The following CFAP20DC variants were observed in gnomAD, a reference collection of about 807,000 sequenced individuals.
CFAP20DC encodes the protein CFAP20 domain containing.
Under a neutral mutation model 101.7 loss-of-function variants are expected in CFAP20DC, and 84 were observed. The observed-to-expected ratio is 0.83, with a 90% CI of 0.69 to 0.99. The LOEUF (loss-of-function observed/expected upper bound fraction) is 0.99. Among genes scored for constraint, CFAP20DC ranks in the 50% least tolerant of loss-of-function variants. The pLI, the probability that CFAP20DC is intolerant of heterozygous loss-of-function variation, is 0.00. For missense variants in CFAP20DC, 1,007 were observed against 970.3 expected (o/e 1.04, Z -0.50); for synonymous variants, 359 against 351.2 (o/e 1.02, Z -0.25).
chr3:58,904,980 T>C (rs756458659), intron 6 of CFAP20DC, among the ~76,000 whole-genome samples: 1 of 152,218 alleles, frequency 6.6e-6, no homozygotes, highest in Non-Finnish European at 1.5e-5. Flanking sequence ...CAAACACTTA[T>C]GATAAGTTAC....
chr3:58,744,608 C>A (rs2068068758), intron 16 of CFAP20DC, among the ~76,000 whole-genome samples: 1 of 152,026 alleles, frequency 6.6e-6, no homozygotes, highest in South Asian at 2.1e-4. Flanking sequence ...AGGAAATGGG[C>A]TTGTTAACTC....
intron 8 of CFAP20DC, 54 bp downstream of exon 8, chr3:58,870,119 C>T: frequency 8.9e-7 from 1 of 1,117,498 alleles, no homozygotes; most frequent in South Asian, 1.2e-5. Context: ...GGAAGACACT[C>T]TTCCCTTACC....
At chr3:58,870,894 C>CAAAAAAAAAAAAA (rs548763648) in intron 7 of CFAP20DC, among the ~76,000 whole-genome samples, 4 of 18,950 alleles carry the variant, frequency 2.1e-4, no homozygotes, top group African/African-American at 3.1e-4. Flanking sequence ...GACTCCGTCT[C>CAAAAAAAAAAAAA]AAAAAAAAAA....
chr3:58,726,641 T>C (rs2067556026), intron 3 of CFAP20DC: 2 of 191,968 alleles, frequency 1.0e-5, no homozygotes, highest in South Asian at 7.0e-5. Context: ...GAATGACCTA[T>C]TACTTCCACT....
chr3:59,008,756 T>C (rs1294708681), intron 4 of CFAP20DC, among the ~76,000 whole-genome samples: 1 of 151,514 alleles, frequency 6.6e-6, no homozygotes, highest in Admixed American at 6.6e-5. Flanking sequence ...ATATACCTAA[T>C]GCTAAATGAC....
chr3:59,026,871 G>A (rs2093902684), intron 4 of CFAP20DC, among the ~76,000 whole-genome samples: 1 of 152,136 alleles, frequency 6.6e-6, no homozygotes, highest in Admixed American at 6.6e-5. Flanking sequence ...ATTGGCTTGA[G>A]GCTAAAGCTT....
At chr3:58,852,306 G>A (rs539550172) in intron 12 of CFAP20DC, among the ~76,000 whole-genome samples, 11 of 152,056 alleles carry the variant, frequency 7.2e-5, no homozygotes, top group Admixed American at 6.5e-4. Flanking sequence ...AAATATATAT[G>A]CAACCAATAC....
intron 13 of CFAP20DC, among the ~76,000 whole-genome samples, chr3:58,847,359 A>G (rs2077760320): frequency 6.6e-6 from 1 of 151,482 alleles, no homozygotes; most frequent in Non-Finnish European, 1.5e-5. Flanking sequence ...GGTGAAGGAC[A>G]TGAACAGACA....
At position 58,859,792 on chromosome 3, in the gene CFAP20DC, A is replaced by G. The variant is rs1284309622; in HGVS notation, c.1593+3766T>C. Among the ~76,000 whole-genome samples, 1 of 152,232 alleles carries G rather than the reference A, an allele frequency of 6.6e-6. No individual in the cohort carries two copies. Among genetic ancestry groups the G allele is most frequent in the African/African-American group, 2.4e-5 (1 of 41,454 alleles). On this transcript the variant is annotated intron_variant, in intron 12 of 16. Transcript: ENST00000482387. The surrounding 1 kb of genome is among the most constrained non-coding windows in gnomAD (Gnocchi z 4.1). ...CAACACATAAACTAAATTTAAAAGTATCTGAAGGCTACATAGAAATATAAG... is the reference window on the plus strand; with the variant it reads ...CAACACATAAACTAAATTTAAAAGTGTCTGAAGGCTACATAGAAATATAAG...
rs1352148608 is a variant in CFAP20DC at position 58,753,828 on chromosome 3, G to A, written c.2273C>T (p.Pro758Leu). ...WLNMLSPPIV[P>L]PSQQPAEQRP... ...CTGCTCAGCCGGCTGTTGACTGGGA[G>A]GAACGATTGGTGGGCTCAACATATT... The change falls in exon 16 of 17, where the codon CCT becomes CTT. Residue 758 changes from proline to leucine, a missense_variant. Physicochemically the swap from Pro to Leu is moderately conservative, Grantham distance 98 (BLOSUM62 -3). Coordinates refer to ENST00000482387, the MANE Select transcript of CFAP20DC (RefSeq NM_001394063.1). 6.2e-7 allele frequency: 1 copy of A among 1,612,644 alleles called. No homozygotes were observed. The highest frequency in any genetic ancestry group is 2.2e-5 in the East Asian group (1 of 44,854).
At chr3:58,761,522 G>T (rs1402217151) in intron 15 of CFAP20DC, among the ~76,000 whole-genome samples, 1 of 152,028 alleles carries the variant, frequency 6.6e-6, no homozygotes, top group African/African-American at 2.4e-5. Context: ...AGGGTTTTTT[G>T]TGTCTCTATT....
rs59732370 is a variant in CFAP20DC at position 59,049,589 on chromosome 3, T to A, written c.21+22A>T. The A allele has an allele frequency of 2.6e-6, 4 of 1,535,316 alleles. No homozygotes were observed. The South Asian group carries it at 3.6e-5, about 14-fold the overall frequency. On this transcript the variant is annotated intron_variant, in intron 1 of 16. Coordinates refer to ENST00000482387, the MANE Select transcript of CFAP20DC (RefSeq NM_001394063.1). ...CCAAGAGGAGAAAGGTATAGACAGG[T>A]TGGAGAACCGTTTCGGGTTACCTGG...
chr3:58,961,764 C>A (rs947375968), intron 4 of CFAP20DC, among the ~76,000 whole-genome samples: 2 of 151,526 alleles, frequency 1.3e-5, no homozygotes, highest in African/African-American at 4.8e-5. Context: ...TAAGTTTCTA[C>A]CTTTCAAGGA....
intron 3 of CFAP20DC, among the ~76,000 whole-genome samples, chr3:58,731,527 G>T (rs1039964173): frequency 6.6e-6 from 1 of 152,224 alleles, no homozygotes; most frequent in Admixed American, 6.5e-5. Context: ...AATGGGAAGA[G>T]TGAAAGGATG....
intron 5 of CFAP20DC, among the ~76,000 whole-genome samples, chr3:58,937,215 C>T (rs2087816118): frequency 2.0e-5 from 3 of 152,202 alleles, no homozygotes; most frequent in African/African-American, 2.4e-5. Context: ...GTTCACTGTT[C>T]TCCGGAGGTT....
intron 4 of CFAP20DC, among the ~76,000 whole-genome samples, chr3:58,982,883 A>C (rs1464742251): frequency 6.6e-6 from 1 of 152,176 alleles, no homozygotes; most frequent in Non-Finnish European, 1.5e-5. Context: ...AGTTTCTAGA[A>C]TCAATTCACA....
chr3:58,902,813 C>A (rs1389620226), intron 6 of CFAP20DC, among the ~76,000 whole-genome samples: 1 of 152,098 alleles, frequency 6.6e-6, no homozygotes, highest in African/African-American at 2.4e-5. Context: ...CTCTATATTA[C>A]CTACAATACC....
At chr3:58,972,489 G>T (rs1335994552) in intron 4 of CFAP20DC, among the ~76,000 whole-genome samples, 2 of 151,952 alleles carry the variant, frequency 1.3e-5, no homozygotes, top group East Asian at 3.9e-4. Flanking sequence ...TGATGGTTTT[G>T]GTTATTATGG....
chr3:58,889,073 T>C lies in CFAP20DC; in HGVS notation c.551-4364A>G, dbSNP rs570195382. ...ATCTTAATTCAACATGTTATCAATA[T>C]TAAAATTATTAACTTTCTCACAGAA... is the stretch of plus-strand genomic sequence containing the variant. On this transcript the variant is annotated intron_variant, in intron 6 of 16. Transcript: ENST00000482387. Among the ~76,000 whole-genome samples the C allele has an allele frequency of 4.6e-5, 7 of 152,274 alleles. No individual in the cohort carries two copies. In the South Asian group the frequency reaches 1.5e-3, roughly 32 times the overall value.
Sources: allele counts gnomAD v4.1 joint callset (sites outside exome capture counted in the v4.1 genomes callset), GRCh38; gene constraint gnomAD v4.1.1; non-coding constraint Gnocchi (gnomAD v3.1); transcripts MANE v1.5; gene names NCBI Gene and HGNC (gene_info 2026-07-23, HGNC 2026-07-21).